The following ANXA3 variants were observed in gnomAD, a reference collection of about 807,000 sequenced individuals.
The protein encoded by ANXA3 is 35-alpha calcimedin.
A neutral mutation model predicts 48.8 loss-of-function variants in ANXA3; 46 were observed. That is an observed-to-expected ratio of 0.94 (90% CI 0.74 to 1.21). The LOEUF (loss-of-function observed/expected upper bound fraction) is 1.21, where lower values mean the gene tolerates loss of function less well. ANXA3 is among the 50% of genes most tolerant of loss of function. The pLI is 0.00. For synonymous variants in ANXA3, 128 were observed against 134.7 expected, an observed-to-expected ratio of 0.95 and a Z score of 0.35; for missense variants, 383 against 378.6, an observed-to-expected ratio of 1.01 and a Z score of -0.10.
chr4:78,562,888 A>C (rs2109926784), intron 2 of ANXA3, among the ~76,000 whole-genome samples: 1 of 152,338 alleles, frequency 6.6e-6, no homozygotes, highest in Non-Finnish European at 1.5e-5. Context: ...CGGAATGATA[A>C]GTGTAAGCCC....
At position 78,569,467 on chromosome 4, in the gene ANXA3, G is replaced by A. The variant is rs1213460214; in HGVS notation, c.16-3713G>A. Among the ~76,000 whole-genome samples the A allele has an allele frequency of 3.3e-5, 5 of 152,316 alleles. No homozygotes were observed. In the East Asian group the frequency reaches 7.7e-4, roughly 23 times the overall value. ...GTAAAAATGCCGACATTCCTGAAGC[G>A]ATGAGCTCATCATTAAATTCTTCAT... On this transcript the variant is annotated intron_variant, in intron 2 of 12. Coordinates refer to ENST00000264908, the MANE Select transcript of ANXA3 (RefSeq NM_005139.3).
chr4:78,591,713 C>A, intron 7 of ANXA3, 90 bp downstream of exon 7: 3 of 876,732 alleles, frequency 3.4e-6, no homozygotes, highest in South Asian at 3.0e-5. Flanking sequence ...CAAACTGAGA[C>A]AATGAGTTCA....
chr4:78,572,648 C>A (rs1441094525), intron 2 of ANXA3, among the ~76,000 whole-genome samples: 2 of 152,046 alleles, frequency 1.3e-5, no homozygotes, highest in Non-Finnish European at 2.9e-5. Flanking sequence ...GTGGGGCTGT[C>A]CAGTAGTCAG....
intron 3 of ANXA3, among the ~76,000 whole-genome samples, chr4:78,576,993 C>A (rs551626199): frequency 6.6e-6 from 1 of 152,162 alleles, no homozygotes; most frequent in Non-Finnish European, 1.5e-5. Context: ...AAAATGAGAA[C>A]AAAGACATAA....
At chr4:78,569,456 A>T (rs1003635799) in intron 2 of ANXA3, among the ~76,000 whole-genome samples, 2 of 152,224 alleles carry the variant, frequency 1.3e-5, no homozygotes, top group East Asian at 1.9e-4. Context: ...AAATGCCGAC[A>T]TTCCTGAAGC....
At chr4:78,552,669 C>A (rs1417989707) in intron 1 of ANXA3, among the ~76,000 whole-genome samples, 1 of 152,218 alleles carries the variant, frequency 6.6e-6, no homozygotes, top group Non-Finnish European at 1.5e-5. Flanking sequence ...AGGCCGAATT[C>A]TTTCCAAGGA....
intron 2 of ANXA3, among the ~76,000 whole-genome samples, chr4:78,558,436 T>C (rs1310237199): frequency 6.6e-6 from 1 of 152,230 alleles, no homozygotes; most frequent in Non-Finnish European, 1.5e-5. Flanking sequence ...TTTTTCTCTC[T>C]GCCACACAAA....
At chr4:78,580,836 C>T (rs1723056298) in intron 4 of ANXA3, among the ~76,000 whole-genome samples, 1 of 152,224 alleles carries the variant, frequency 6.6e-6, no homozygotes. Flanking sequence ...AGGACTAGCA[C>T]AGAGCAGGTG....
chr4:78,586,400 A>G, intron 6 of ANXA3, 50 bp downstream of exon 6: 1 of 1,416,228 alleles, frequency 7.1e-7, no homozygotes, highest in Non-Finnish European at 9.9e-7. Flanking sequence ...TATTTGAGCC[A>G]ATGTTGCTTT....
Position 78,582,221 on chromosome 4 carries a change from G to A in ANXA3, c.243G>A (p.Glu81=). 1.2e-6 allele frequency: 2 copies of A among 1,613,666 alleles called. No homozygotes were observed. The highest frequency in any genetic ancestry group is 1.7e-5 in the Admixed American group (1 of 59,998). ...AGGGTGATCTCTCTGGCCACTTTGA[G>A]CATCTCATGGTGGCCCTAGTGACTC... ...DLKGDLSGHF[E]HLMVALVTPP... The change falls in exon 5 of 13, where the codon GAG becomes GAA. Residue 81 remains glutamate (E), a synonymous_variant. Transcript: ENST00000264908.
intron 10 of ANXA3, among the ~76,000 whole-genome samples, chr4:78,598,594 T>C (rs115295701): frequency 0.066 from 10,022 of 152,104 alleles, 1,071 homozygotes; most frequent in African/African-American, 0.23. Context: ...AGCTGGAGTG[T>C]GGTGGCGCAA....
At position 78,586,343 on chromosome 4, in the gene ANXA3, T is replaced by C; in HGVS notation, c.396T>C (p.Tyr132=). ...SRQMKDISQA[Y]YTVYKKSLGD... ...AAATGAAGGATATCTCTCAAGCCTA[T>C]TATACAGGTGTCTTATTTTCTGCTT... is the stretch of plus-strand genomic sequence containing the variant. The change falls in exon 6 of 13, where the codon TAT becomes TAC. Residue 132 remains tyrosine (Y), a synonymous_variant. Coordinates refer to ENST00000264908, the MANE Select transcript of ANXA3 (RefSeq NM_005139.3). 6.2e-7 allele frequency: 1 copy of C among 1,611,388 alleles called. No individual in the cohort carries two copies. Among genetic ancestry groups the C allele is most frequent in the Non-Finnish European group, 8.5e-7 (1 of 1,178,128 alleles).
chr4:78,597,530 C>T (rs1345272882), intron 10 of ANXA3, 116 bp downstream of exon 10: 1 of 647,452 alleles, frequency 1.5e-6, no homozygotes, highest in East Asian at 2.8e-5. Context: ...CTCCCTACAG[C>T]CCCCAACATG....
Position 78,601,501 on chromosome 4 carries a change from T to C in ANXA3, c.731-9T>C. 4 of 1,613,610 alleles carry C rather than the reference T, an allele frequency of 2.5e-6. No homozygotes were observed. The highest frequency in any genetic ancestry group is 3.4e-6 in the Non-Finnish European group (4 of 1,179,578). On this transcript the variant is annotated splice_polypyrimidine_tract_variant and intron_variant, in intron 10 of 12. Coordinates refer to ENST00000264908, the MANE Select transcript of ANXA3 (RefSeq NM_005139.3). ...CGTGAAGCTGAACATTATTTGCTTT[T>C]TGTTACAGTTAATTGTGTGAGGAAC...
At chr4:78,554,704 C>T (rs996854195) in intron 2 of ANXA3, among the ~76,000 whole-genome samples, 3 of 151,738 alleles carry the variant, frequency 2.0e-5, no homozygotes, top group African/African-American at 4.8e-5. Flanking sequence ...GACACCAAGG[C>T]GGAAAGGTCA....
intron 3 of ANXA3, among the ~76,000 whole-genome samples, chr4:78,578,496 T>G (rs1221889574): frequency 6.6e-6 from 1 of 152,168 alleles, no homozygotes; most frequent in Non-Finnish European, 1.5e-5. Flanking sequence ...GCTGGACCAC[T>G]CAGCAGTTGT....
Position 78,594,197 on chromosome 4 carries a change from T to C in ANXA3, c.484-1184T>C, listed in dbSNP as rs1723366116. Among the ~76,000 whole-genome samples, 3 of 152,222 alleles carry C rather than the reference T, an allele frequency of 2.0e-5. 1 individual carries two copies. In the South Asian group the frequency reaches 6.2e-4, roughly 31 times the overall value. The stretch of plus-strand genomic sequence containing the variant: ...CTTCTTTCACTTAGCTATATGCCTT[T>C]AAGGTTCCTCTATGTCTTTTCATGG... On this transcript the variant is annotated intron_variant, in intron 7 of 12. Transcript: ENST00000264908.
chr4:78,569,506 A>G (rs1370410584), intron 2 of ANXA3, among the ~76,000 whole-genome samples: 1 of 152,206 alleles, frequency 6.6e-6, no homozygotes, highest in African/African-American at 2.4e-5. Context: ...CCACACCCAT[A>G]AGAGAATTCA....
At chr4:78,587,739 G>A (rs1034156306) in intron 6 of ANXA3, among the ~76,000 whole-genome samples, 5 of 152,126 alleles carry the variant, frequency 3.3e-5, no homozygotes, top group African/African-American at 1.2e-4. Context: ...TACCAATTGG[G>A]TTCTAATCAG....
Sources: gnomAD v4.1 joint callset for allele counts (sites outside exome capture counted in the v4.1 genomes callset) on GRCh38, gnomAD v4.1.1 for gene constraint, MANE v1.5 for transcripts, NCBI Gene and HGNC (gene_info 2026-07-23, HGNC 2026-07-21) for gene names.